Variants in RANBP2 observed in about 807,000 individuals in gnomAD.
The protein encoded by RANBP2 is RAN binding protein 2, also known as E3 SUMO-protein ligase RanBP2.
RANBP2 carries 57 observed loss-of-function variants against 303.6 expected under a neutral mutation model. The ratio of observed to expected loss-of-function variants is 0.19; its 90% confidence interval spans 0.15 to 0.23. The LOEUF (loss-of-function observed/expected upper bound fraction) is 0.23, where lower values mean the gene tolerates loss of function less well. Ranked by LOEUF, RANBP2 falls within the 10% of genes least tolerant of loss-of-function variation. The pLI, the probability that RANBP2 is intolerant of heterozygous loss-of-function variation, is 1.00. For synonymous variants in RANBP2, 1,167 were observed against 1,301.5 expected, an observed-to-expected ratio of 0.90 and a Z score of 2.23; for missense variants, 3,138 against 3,780.8, an observed-to-expected ratio of 0.83 and a Z score of 4.46.
the RANBP2 span, chr2:109,615,433 A>T: frequency 3.7e-6 from 6 of 1,612,974 alleles, no homozygotes; most frequent in Admixed American, 1.0e-4. Context: ...CACGGCAGGC[A>T]GGAGCTTCTG....
At chr2:109,297,925 G>C in the RANBP2 span, among the ~76,000 whole-genome samples, 1 of 151,568 alleles carries the variant, frequency 6.6e-6, no homozygotes, top group Non-Finnish European at 1.5e-5. Context: ...CCACCCAGAT[G>C]TGTGTTCCCC....
At chr2:109,592,637 G>A in the RANBP2 span, among the ~76,000 whole-genome samples, 4,728 of 149,404 alleles carry the variant, frequency 0.032, 91 homozygotes, top group Non-Finnish European at 0.047. Flanking sequence ...AAAGTTAGCC[G>A]GACGTGGTGG....
At chr2:109,209,665 G>A in the RANBP2 span, among the ~76,000 whole-genome samples, 1 of 152,156 alleles carries the variant, frequency 6.6e-6, no homozygotes, top group Non-Finnish European at 1.5e-5. Flanking sequence ...TGCTCCTCTG[G>A]CAAGCAGGAC....
the RANBP2 span, among the ~76,000 whole-genome samples, chr2:109,514,459 C>G: frequency 1.3e-5 from 2 of 152,166 alleles, no homozygotes; most frequent in Non-Finnish European, 2.9e-5. Flanking sequence ...GGATGAAAGG[C>G]AGACTCACAG....
the RANBP2 span, chr2:108,798,551 G>A: frequency 6.2e-7 from 1 of 1,613,292 alleles, no homozygotes; most frequent in Non-Finnish European, 8.5e-7. Flanking sequence ...AGGTGTTGAA[G>A]AAGAGGTTCT....
the RANBP2 span, among the ~76,000 whole-genome samples, chr2:109,532,765 T>A: frequency 1.3e-5 from 2 of 151,404 alleles, no homozygotes; most frequent in South Asian, 4.2e-4. Flanking sequence ...TCCTGACAGA[T>A]CTTGTAAGGA....
At chr2:109,597,105 A>G in the RANBP2 span, among the ~76,000 whole-genome samples, 1 of 151,936 alleles carries the variant, frequency 6.6e-6, no homozygotes, top group African/African-American at 2.4e-5. Context: ...ATCCCAGCAC[A>G]CTTGGCTAAT....
the RANBP2 span, among the ~76,000 whole-genome samples, chr2:109,080,285 C>T: frequency 6.7e-6 from 1 of 148,806 alleles, no homozygotes; most frequent in African/African-American, 2.4e-5. Flanking sequence ...GGCTGGGCAG[C>T]AGAGGCTGGG....
At chr2:109,362,902 A>T in the RANBP2 span, among the ~76,000 whole-genome samples, 20 of 152,246 alleles carry the variant, frequency 1.3e-4, no homozygotes, top group Non-Finnish European at 2.8e-4. Context: ...GATTAGTGTT[A>T]GCATGTTATC....
At chr2:108,733,660 T>G (rs1478302584) in intron 4 of RANBP2, among the ~76,000 whole-genome samples, 2 of 152,206 alleles carry the variant, frequency 1.3e-5, no homozygotes, top group Admixed American at 6.5e-5. Context: ...CTCTTAGGTG[T>G]TATGCCTCAA....
At chr2:109,427,157 C>T in the RANBP2 span, among the ~76,000 whole-genome samples, 3 of 151,946 alleles carry the variant, frequency 2.0e-5, no homozygotes, top group South Asian at 2.1e-4. Flanking sequence ...TTAGTAGAGA[C>T]GGGGTTTCAC....
At chr2:109,194,126 G>C in the RANBP2 span, among the ~76,000 whole-genome samples, 2 of 152,260 alleles carry the variant, frequency 1.3e-5, no homozygotes, top group African/African-American at 4.8e-5. Context: ...GGCAGTTGCT[G>C]TTGATGGAGT....
the RANBP2 span, among the ~76,000 whole-genome samples, chr2:109,022,709 G>C: frequency 6.6e-6 from 1 of 152,146 alleles, no homozygotes; most frequent in African/African-American, 2.4e-5. Context: ...CTACACAATA[G>C]ATCCAGGTAA....
the RANBP2 span, among the ~76,000 whole-genome samples, chr2:109,269,418 A>C: frequency 7.9e-5 from 12 of 152,306 alleles, no homozygotes; most frequent in South Asian, 2.5e-3. Context: ...CTGGCCGACC[A>C]CATCCTCCTA....
chr2:109,369,575 G>T, the RANBP2 span, among the ~76,000 whole-genome samples: 2 of 152,146 alleles, frequency 1.3e-5, no homozygotes, highest in South Asian at 2.1e-4. Context: ...GAAGCTGGGG[G>T]TTGGGGGAGA....
chr2:108,925,117 G>A, the RANBP2 span, among the ~76,000 whole-genome samples: 2 of 150,742 alleles, frequency 1.3e-5, no homozygotes, highest in Non-Finnish European at 3.0e-5. Flanking sequence ...GGCCCTCCAG[G>A]GCAAGCCTTG....
At chr2:109,011,625 C>G in the RANBP2 span, among the ~76,000 whole-genome samples, 1 of 152,290 alleles carries the variant, frequency 6.6e-6, no homozygotes, top group Admixed American at 6.5e-5. Flanking sequence ...CTCTATGGAA[C>G]TGCTGTTATG....
the RANBP2 span, among the ~76,000 whole-genome samples, chr2:109,361,061 T>C: frequency 2.0e-5 from 3 of 152,186 alleles, no homozygotes; most frequent in African/African-American, 7.2e-5. Context: ...TTAAAAGCTT[T>C]TTCTGTATTT....
chr2:108,948,665 C>T, the RANBP2 span, among the ~76,000 whole-genome samples: 15 of 152,062 alleles, frequency 9.9e-5, no homozygotes, highest in African/African-American at 3.6e-4. Flanking sequence ...TATCAAACAA[C>T]CAAATATCCT....
Sources: gnomAD v4.1 joint callset for allele counts (sites outside exome capture counted in the v4.1 genomes callset) on GRCh38, gnomAD v4.1.1 for gene constraint, MANE v1.5 for transcripts, NCBI Gene and HGNC (gene_info 2026-07-23, HGNC 2026-07-21) for gene names.